Variants in ZNF680 observed in about 807,000 individuals in gnomAD.
The protein encoded by ZNF680 is zinc finger protein 680, also known as hypothetical protein FLJ90430.
ZNF680 carries 6 observed loss-of-function variants against 12.1 expected under a neutral mutation model. That is an observed-to-expected ratio of 0.49 (90% CI 0.27 to 0.98). The LOEUF (loss-of-function observed/expected upper bound fraction) is 0.98. Among genes scored for constraint, ZNF680 ranks in the 50% least tolerant of loss-of-function variants. The probability of loss-of-function intolerance (pLI) is 0.12; values close to 1 mark genes in which losing one functional copy is unlikely to be tolerated. For synonymous variants in ZNF680, 170 were observed against 199.3 expected (o/e 0.85, Z 1.24); for missense variants, 561 against 616.3 (o/e 0.91, Z 0.95).
Position 64,563,028 on chromosome 7 carries a change from G to A in ZNF680, c.-74C>T. ...TGGGCCTCTAGGAGCAGAATACACA[G>A]AGCAGTAAAGACTAGACCTGGAGCT... On this transcript the variant is annotated 5_prime_UTR_variant, in exon 1 of 4. Transcript: ENST00000309683. 1 of 1,566,358 alleles carries A rather than the reference G, an allele frequency of 6.4e-7. No individual in the cohort carries two copies. The highest frequency in any genetic ancestry group is 8.8e-7 in the Non-Finnish European group (1 of 1,139,156).
rs1203734818 is a variant in ZNF680 at position 64,521,629 on chromosome 7, C to T, written c.1125G>A (p.Glu375=). The T allele has an allele frequency of 6.2e-7, 1 of 1,612,354 alleles. No individual in the cohort carries two copies. The highest frequency in any genetic ancestry group is 1.1e-5 in the South Asian group (1 of 91,036). The part of the protein sequence containing the change: ...LTRHKKIHTG[E]KSYKCEECGK... ...CGCATTCTTCACATTTGTAGGATTT[C>T]TCTCCAGTATGAATTTTCTTATGTC... Residue 375 remains glutamate, a synonymous_variant, in exon 4 of 4, where the codon GAG becomes GAA. Transcript: ENST00000309683.
At chr7:64,508,494 G>A in the ZNF680 span, among the ~76,000 whole-genome samples, 22 of 152,260 alleles carry the variant, frequency 1.4e-4, no homozygotes, top group Admixed American at 1.4e-3. Flanking sequence ...AATAAAAAAT[G>A]AGAGCTAATA....
At chr7:64,530,257 C>G (rs1003045066) in intron 3 of ZNF680, among the ~76,000 whole-genome samples, 4 of 151,752 alleles carry the variant, frequency 2.6e-5, no homozygotes, top group African/African-American at 9.7e-5. Flanking sequence ...AAAGCAAAAA[C>G]AAAAAAACAA....
chr7:64,507,045 T>C, the ZNF680 span, among the ~76,000 whole-genome samples: 2 of 152,144 alleles, frequency 1.3e-5, no homozygotes, highest in East Asian at 1.9e-4. Flanking sequence ...TTTCAACCAA[T>C]AGACAAATAC....
At chr7:64,508,120 A>AATTTATATATATAT in the ZNF680 span, among the ~76,000 whole-genome samples, 1 of 69,234 alleles carries the variant, frequency 1.4e-5, no homozygotes. Flanking sequence ...TATATTTTAA[A>AATTTATATATATAT]ATGTATATAT....
Position 64,520,747 on chromosome 7 carries a change from A to C in ZNF680, c.*414T>G, listed in dbSNP as rs1791484585. ...TGCGTACAATAAGATTTGTAATACA[A>C]GTAAAGGTACTACAACCCTCCTATG... On this transcript the variant is annotated 3_prime_UTR_variant, in exon 4 of 4. Transcript: ENST00000309683. The C allele has an allele frequency of 6.4e-6, 1 of 155,760 alleles. No homozygotes were observed. The allele number at this position is 155,760 out of a possible 1,614,324, so 9.6% of individuals were successfully genotyped here. A position where few individuals can be genotyped will look rare whatever the true frequency, so the allele number is the denominator to read the frequency against.
Position 64,562,974 on chromosome 7 carries a change from A to G in ZNF680, c.-20T>C. 2 of 1,613,014 alleles carry G rather than the reference A, an allele frequency of 1.2e-6. No individual in the cohort carries two copies. The highest frequency in any genetic ancestry group is 1.1e-5 in the South Asian group (1 of 91,054). On this transcript the variant is annotated 5_prime_UTR_variant, in exon 1 of 4. Transcript: ENST00000309683. Reference sequence around the variant, plus strand: ...TGGCATCTTAGCTGTGCATCTCCCAATACCTGCAGATAACGGAGTCACAGA... The same window carrying G: ...TGGCATCTTAGCTGTGCATCTCCCAGTACCTGCAGATAACGGAGTCACAGA...
At chr7:64,535,895 G>C (rs1469581969) in intron 3 of ZNF680, among the ~76,000 whole-genome samples, 1 of 151,986 alleles carries the variant, frequency 6.6e-6, no homozygotes, top group Non-Finnish European at 1.5e-5. Context: ...AGTGAGTCGA[G>C]ATCACACCAC....
chr7:64,545,336 C>T (rs913338963), intron 1 of ZNF680, among the ~76,000 whole-genome samples: 12 of 150,750 alleles, frequency 8.0e-5, no homozygotes, highest in African/African-American at 2.9e-4. Flanking sequence ...AGATGAGAGC[C>T]TTCATCTTCC....
the ZNF680 span, among the ~76,000 whole-genome samples, chr7:64,506,165 T>C: frequency 3.2e-4 from 48 of 151,760 alleles, no homozygotes; most frequent in Non-Finnish European, 7.4e-5. Flanking sequence ...CCCACCCACC[T>C]GAATAGACTT....
Position 64,537,846 on chromosome 7 carries a change from C to T in ZNF680, c.253+5861G>A, listed in dbSNP as rs931808958. On this transcript the variant is annotated intron_variant, in intron 3 of 3. Transcript: ENST00000309683. ...TTGGGAGGCTGAGGCAGGAGAATGA[C>T]GTGAACCCGGGAGGCAGAGCTTGCA... Among the ~76,000 whole-genome samples the T allele has an allele frequency of 7.9e-5, 12 of 151,972 alleles. No homozygotes were observed. In the South Asian group the frequency reaches 1.9e-3, roughly 24 times the overall value.
intron 1 of ZNF680, among the ~76,000 whole-genome samples, chr7:64,552,882 T>C (rs917801529): frequency 2.6e-5 from 4 of 152,120 alleles, no homozygotes; most frequent in Non-Finnish European, 4.4e-5. Flanking sequence ...TCCCAGCACT[T>C]TGGGAGGTCA....
chr7:64,535,959 C>T (rs1381797659), intron 3 of ZNF680, among the ~76,000 whole-genome samples: 3 of 151,378 alleles, frequency 2.0e-5, no homozygotes, highest in Non-Finnish European at 4.4e-5. Flanking sequence ...AACAAAAACA[C>T]AAACAAACAA....
chr7:64,552,725 T>G (rs73357504), intron 1 of ZNF680, among the ~76,000 whole-genome samples: 1 of 152,236 alleles, frequency 6.6e-6, no homozygotes, highest in African/African-American at 2.4e-5. Flanking sequence ...GTTAAAACAC[T>G]TTATATTTAA....
At chr7:64,503,112 C>T in the ZNF680 span, among the ~76,000 whole-genome samples, 3,221 of 152,148 alleles carry the variant, frequency 0.021, 70 homozygotes, top group Middle Eastern at 0.054. Flanking sequence ...CAAATGAAAC[C>T]ACCAGGTAAA....
intron 3 of ZNF680, among the ~76,000 whole-genome samples, chr7:64,534,727 C>T (rs557396578): frequency 1.1e-4 from 16 of 152,264 alleles, no homozygotes; most frequent in African/African-American, 3.4e-4. Flanking sequence ...TTTATAGCAG[C>T]ACAATTTGCA....
chr7:64,512,763 CTTTT>C, the ZNF680 span, among the ~76,000 whole-genome samples: 1 of 149,388 alleles, frequency 6.7e-6, no homozygotes. Flanking sequence ...ACTACTAAAT[CTTTT>C]TTTTTTCTGT....
chr7:64,559,634 C>A (rs936128273), intron 1 of ZNF680, among the ~76,000 whole-genome samples: 20 of 152,002 alleles, frequency 1.3e-4, no homozygotes, highest in African/African-American at 4.8e-4. Flanking sequence ...GTGCCCACTA[C>A]CACATGTGGC....
chr7:64,535,301 G>A lies in ZNF680; in HGVS notation c.253+8406C>T, dbSNP rs376699759. On this transcript the variant is annotated intron_variant, in intron 3 of 3. Coordinates refer to ENST00000309683, the MANE Select transcript of ZNF680 (RefSeq NM_178558.5). ...AATTTTCTAAGTTTAGAAAGTTGAG[G>A]ATGCAGTGGGTCATTAATTATCACG... is the stretch of plus-strand genomic sequence containing the variant. Among the ~76,000 whole-genome samples, 29 of 151,930 alleles carry A rather than the reference G, an allele frequency of 1.9e-4. No homozygotes were observed. In the East Asian group the frequency reaches 2.1e-3, roughly 11 times the overall value.
Sources: gnomAD v4.1 joint callset for allele counts (sites outside exome capture counted in the v4.1 genomes callset) on GRCh38, gnomAD v4.1.1 for gene constraint, MANE v1.5 for transcripts, NCBI Gene and HGNC (gene_info 2026-07-23, HGNC 2026-07-21) for gene names.